Variants in PIGU observed in about 807,000 individuals in gnomAD.
PIGU encodes GPI-anchor transamidase component PIGU.
PIGU carries 24 observed loss-of-function variants against 49.9 expected under a neutral mutation model. That is an observed-to-expected ratio of 0.48 (90% confidence interval 0.35 to 0.68). The LOEUF (loss-of-function observed/expected upper bound fraction) is 0.68. Ranked by LOEUF, PIGU falls within the 30% of genes least tolerant of loss-of-function variation. The pLI, the probability that PIGU is intolerant of heterozygous loss-of-function variation, is 0.01. For missense variants in PIGU, 490 were observed against 532.6 expected, an observed-to-expected ratio of 0.92 and a Z score of 0.79; for synonymous variants, 220 against 205.7, an observed-to-expected ratio of 1.07 and a Z score of -0.59.
At chr20:34,587,060 T>C (rs1455933670) in intron 8 of PIGU, among the ~76,000 whole-genome samples, 2 of 152,168 alleles carry the variant, frequency 1.3e-5, no homozygotes, top group African/African-American at 2.4e-5. Context: ...ATCAAAGGTG[T>C]GTTTCAGAGT....
intron 7 of PIGU, among the ~76,000 whole-genome samples, chr20:34,609,126 A>G (rs1984721433): frequency 6.6e-6 from 1 of 151,858 alleles, no homozygotes; most frequent in African/African-American, 2.4e-5. Flanking sequence ...AAAAAAAACC[A>G]ACCAACCAAC....
In PIGU at chr20:34,668,468, A is replaced by ATAAATAAATAAAT. The variant is rs1443631275; in HGVS notation, c.130+8487_130+8488insATTTATTTATTTA. Among the ~76,000 whole-genome samples, 6 of 131,386 alleles carry ATAAATAAATAAAT rather than the reference A, an allele frequency of 4.6e-5. No homozygotes were observed. In the South Asian group the frequency reaches 6.8e-4, roughly 15 times the overall value. 86.2% of individuals were successfully genotyped at this position (131,386 alleles called of 152,430 possible). A position where few individuals can be genotyped will look rare whatever the true frequency, so the allele number is the denominator to read the frequency against. On this transcript the variant is annotated intron_variant, in intron 1 of 11. Coordinates refer to ENST00000217446, the MANE Select transcript of PIGU (RefSeq NM_080476.5). ...CAGAGCGAGACTCCGTCTCAAAAAA[A>ATAAATAAATAAAT]AAAAAAAAAAAAAAAGGGGGGGGCG...
chr20:34,650,513 C>A (rs1475719961), intron 2 of PIGU, among the ~76,000 whole-genome samples: 1 of 151,940 alleles, frequency 6.6e-6, no homozygotes, highest in Non-Finnish European at 1.5e-5. Flanking sequence ...AAGTGATCTG[C>A]CCATCTTGGC....
At chr20:34,667,131 T>TA (rs1987129786) in intron 1 of PIGU, among the ~76,000 whole-genome samples, 1 of 152,172 alleles carries the variant, frequency 6.6e-6, no homozygotes, top group African/African-American at 2.4e-5. Context: ...CATGAGCCAC[T>TA]ATGCCTGGCC....
At chr20:34,617,010 T>C (rs1985037525) in intron 6 of PIGU, among the ~76,000 whole-genome samples, 1 of 152,176 alleles carries the variant, frequency 6.6e-6, no homozygotes, top group Non-Finnish European at 1.5e-5. Context: ...CTCAGGAGGC[T>C]GAGGCAGAAG....
rs779786948 is a variant in PIGU, at chr20:34,560,959, G to A, written c.1215C>T (p.Tyr405=). ...ACTCCCGCCGCAGGAAGGCATAGAA[G>A]TAATCAGAGATGAGCAGGATCTGGG... is the stretch of plus-strand genomic sequence containing the variant. The part of the protein sequence containing the change: ...NVGQILLISD[Y]FYAFLRREYY... Residue 405 remains tyrosine (Y), a synonymous_variant, in exon 12 of 12, where the codon TAC becomes TAT. Coordinates refer to ENST00000217446, the MANE Select transcript of PIGU (RefSeq NM_080476.5). The A allele has an allele frequency of 4.3e-6, 7 of 1,611,084 alleles. No individual in the cohort carries two copies. Among genetic ancestry groups the A allele is most frequent in the Non-Finnish European group, 5.1e-6 (6 of 1,177,454 alleles).
At position 34,676,947 on chromosome 20, in the gene PIGU, T is replaced by C. The variant is rs375106538; in HGVS notation, c.130+9A>G. ...GGGCCTGACAGTCTGCTCGAGCCAG[T>C]GGCCTCACCTCTCTTCCAAGAGCTC... On this transcript the variant is annotated intron_variant, in intron 1 of 11. Transcript: ENST00000217446. The C allele has an allele frequency of 1.9e-4, 305 of 1,566,004 alleles. No individual in the cohort carries two copies. Among genetic ancestry groups the C allele is most frequent in the Non-Finnish European group, 2.5e-4 (291 of 1,156,368 alleles).
At position 34,654,120 on chromosome 20, in the gene PIGU, G is replaced by A. The variant is rs1484690672; in HGVS notation, c.195+3060C>T. 1.9e-5 allele frequency among the ~76,000 whole-genome samples: 2 copies of A among 104,666 alleles called. 1 individual carries two copies. The highest frequency in any genetic ancestry group is 4.0e-5 in the Non-Finnish European group (2 of 49,484). The allele number at this position is 104,666 out of a possible 152,430, so 68.7% of individuals were successfully genotyped here. A position where few individuals can be genotyped will look rare whatever the true frequency, so the allele number is the denominator to read the frequency against. On this transcript the variant is annotated intron_variant, in intron 2 of 11. Transcript: ENST00000217446. Reference sequence around the variant, plus strand: ...GATCCGCCCGCCTAGGCTTCCCAAAGTGCTGGGATTACAGGCGTGAGCCAC... The same window carrying A: ...GATCCGCCCGCCTAGGCTTCCCAAAATGCTGGGATTACAGGCGTGAGCCAC...
chr20:34,579,642 C>T (rs1197186582), intron 10 of PIGU, among the ~76,000 whole-genome samples: 1 of 152,180 alleles, frequency 6.6e-6, no homozygotes, highest in African/African-American at 2.4e-5. Flanking sequence ...AGCAGTGAAG[C>T]AAAGGTGGAC....
At chr20:34,658,024 G>A (rs1006044203) in intron 1 of PIGU, among the ~76,000 whole-genome samples, 12 of 151,432 alleles carry the variant, frequency 7.9e-5, no homozygotes, top group Non-Finnish European at 1.5e-4. Context: ...CTCTTTCCAC[G>A]GTCTCCCTCT....
chr20:34,616,588 C>T (rs749617748), intron 6 of PIGU, among the ~76,000 whole-genome samples: 2 of 152,064 alleles, frequency 1.3e-5, no homozygotes, highest in African/African-American at 2.4e-5. Context: ...TCCTTACCTG[C>T]TGCATCAATT....
intron 7 of PIGU, among the ~76,000 whole-genome samples, chr20:34,613,911 T>G (rs1318454135): frequency 1.3e-5 from 2 of 152,234 alleles, no homozygotes; most frequent in African/African-American, 4.8e-5. Flanking sequence ...GCTCAGGCTT[T>G]CTGGTGAACA....
rs1983791733 is a variant in PIGU at position 34,588,461 on chromosome 20, A to G, written c.774T>C (p.Tyr258=). 6.2e-7 allele frequency: 1 copy of G among 1,613,686 alleles called. No homozygotes were observed. The highest frequency in any genetic ancestry group is 1.1e-5 in the South Asian group (1 of 91,056). ...ACGTGGTCATTACTTACATAAAGCC[A>G]TAGACTGCGGGGATGAAATCCCAAG... ...LSSWDFIPAV[Y]GFILSVPDLT... Residue 258 remains tyrosine (Y), a synonymous_variant, in exon 8 of 12, where the codon TAT becomes TAC. Coordinates refer to ENST00000217446, the MANE Select transcript of PIGU (RefSeq NM_080476.5).
At chr20:34,582,408 A>C (rs1226970261) in intron 9 of PIGU, among the ~76,000 whole-genome samples, 1 of 152,192 alleles carries the variant, frequency 6.6e-6, no homozygotes, top group Non-Finnish European at 1.5e-5. Flanking sequence ...GGCCAGGCGC[A>C]GTGGCTCACA....
intron 1 of PIGU, among the ~76,000 whole-genome samples, chr20:34,673,150 A>T (rs1987365862): frequency 6.7e-6 from 1 of 149,024 alleles, no homozygotes; most frequent in African/African-American, 2.5e-5. Context: ...GCTACTCGGG[A>T]GGCTGAGGCA....
intron 1 of PIGU, among the ~76,000 whole-genome samples, chr20:34,659,279 C>G (rs1436509045): frequency 3.0e-4 from 33 of 108,824 alleles, no homozygotes; most frequent in East Asian, 5.4e-4. Context: ...GCCCGGCCAG[C>G]CACCCCGTCC....
chr20:34,618,867 T>C (rs986150176), intron 6 of PIGU, among the ~76,000 whole-genome samples: 1 of 152,248 alleles, frequency 6.6e-6, no homozygotes, highest in Admixed American at 6.5e-5. Context: ...CAAGGAGTTT[T>C]ACCCCTCTGC....
At chr20:34,567,098 A>G (rs1443007492) in intron 11 of PIGU, among the ~76,000 whole-genome samples, 6 of 152,212 alleles carry the variant, frequency 3.9e-5, no homozygotes, top group African/African-American at 1.4e-4. Flanking sequence ...AGACACTGAC[A>G]TTTGACAGTC....
Position 34,581,611 on chromosome 20 carries a change from G to A in PIGU, c.988C>T (p.Pro330Ser), listed in dbSNP as rs1983470049. ...IAVIAIFKSY[P>S]TVGDVALYMA... is the part of the protein sequence containing the mutation. ...TAGAGCGCCACGTCCCCCACTGTCGGGTAGGACTTAAAGATGGCGATGACA... is the reference window on the plus strand; with the variant it reads ...TAGAGCGCCACGTCCCCCACTGTCGAGTAGGACTTAAAGATGGCGATGACA... Residue 330 changes from proline (P) to serine (S), a missense_variant, in exon 10 of 12, where the codon CCG (proline) becomes TCG (serine). Coordinates refer to ENST00000217446, the MANE Select transcript of PIGU (RefSeq NM_080476.5). The A allele has an allele frequency of 6.2e-7, 1 of 1,613,940 alleles. No individual in the cohort carries two copies. The highest frequency in any genetic ancestry group is 8.5e-7 in the Non-Finnish European group (1 of 1,179,924).
Sources: gnomAD v4.1 joint callset for allele counts (sites outside exome capture counted in the v4.1 genomes callset) on GRCh38, gnomAD v4.1.1 for gene constraint, MANE v1.5 for transcripts, NCBI Gene and HGNC (gene_info 2026-07-23, HGNC 2026-07-21) for gene names.